Variants in RYR2 observed in about 807,000 individuals in gnomAD.
RYR2 encodes the protein ryanodine receptor 2.
In RYR2, 227 loss-of-function variants were observed where a neutral mutation model predicts 601.1. The ratio of observed to expected loss-of-function variants is 0.38; its 90% CI spans 0.34 to 0.42. RYR2 has a LOEUF of 0.42. Ranked by LOEUF, RYR2 falls within the 10% of genes least tolerant of loss-of-function variation. RYR2 has a pLI of 1.00. For synonymous variants in RYR2, 2,223 were observed against 2,175.1 expected (o/e 1.02, Z -0.61); for missense variants, 4,646 against 6,156.5 (o/e 0.75, Z 8.21).
intron 62 of RYR2, among the ~76,000 whole-genome samples, chr1:237,683,180 G>A (rs760628894): frequency 4.6e-5 from 7 of 152,162 alleles, no homozygotes; most frequent in African/African-American, 1.2e-4. Flanking sequence ...GTCTTCATTC[G>A]CATGATAAAC....
At chr1:237,211,713 A>G (rs912270509) in intron 1 of RYR2, among the ~76,000 whole-genome samples, 2 of 152,210 alleles carry the variant, frequency 1.3e-5, no homozygotes, top group African/African-American at 4.8e-5. Flanking sequence ...AAGAAATATC[A>G]AGAATGCCAC....
chr1:237,820,211 G>T (rs1031791420), intron 101 of RYR2, among the ~76,000 whole-genome samples: 1 of 151,452 alleles, frequency 6.6e-6, no homozygotes, highest in Non-Finnish European at 1.5e-5. Flanking sequence ...AAAAAAAGGT[G>T]GGGGAGGGAG....
At chr1:237,606,778 A>G (rs1289197157) in intron 35 of RYR2, among the ~76,000 whole-genome samples, 1 of 152,238 alleles carries the variant, frequency 6.6e-6, no homozygotes, top group Non-Finnish European at 1.5e-5. Flanking sequence ...ATATGAACAG[A>G]CACTTCTCAA....
At chr1:237,519,776 C>T (rs1246210102) in intron 24 of RYR2, among the ~76,000 whole-genome samples, 1 of 152,022 alleles carries the variant, frequency 6.6e-6, no homozygotes, top group Admixed American at 6.6e-5. Flanking sequence ...TTTCTTGTTC[C>T]ATTTGAATTT....
intron 80 of RYR2, 74 bp from the exon 81 acceptor site, chr1:237,756,214 C>A: frequency 1.0e-6 from 1 of 953,980 alleles, no homozygotes; most frequent in Non-Finnish European, 1.7e-6. Flanking sequence ...GAAGAGATGA[C>A]TAAAAATATG....
rs1401851675 is a variant in RYR2 at position 237,640,841 on chromosome 1, C to T, written c.7116-56C>T. ...TTTCCTCGGAGAGATATGTAATAAA[C>T]ATGAAATGTCAGTTATCCCATTTGC... On this transcript the variant is annotated intron_variant, in intron 46 of 104. Coordinates refer to ENST00000366574, the MANE Select transcript of RYR2 (RefSeq NM_001035.3). 3.7e-6 allele frequency: 5 copies of T among 1,368,054 alleles called. No homozygotes were observed. The African/African-American group carries it at 5.7e-5, about 16-fold the overall frequency. 84.7% of individuals were successfully genotyped at this position (1,368,054 alleles called of 1,614,324 possible). A position where few individuals can be genotyped will look rare whatever the true frequency, so the allele number is the denominator to read the frequency against.
chr1:237,706,891 G>A (rs1034574335), intron 67 of RYR2, 58 bp from the exon 68 acceptor site: 69 of 1,417,354 alleles, frequency 4.9e-5, no homozygotes, highest in Middle Eastern at 1.8e-4. Flanking sequence ...GTGGAAATCC[G>A]CCATATCATC....
intron 60 of RYR2, among the ~76,000 whole-genome samples, chr1:237,675,700 T>A (rs1685334583): frequency 6.6e-6 from 1 of 152,164 alleles, no homozygotes; most frequent in Non-Finnish European, 1.5e-5. Flanking sequence ...CTGCTGTTTG[T>A]CTTAGGATGT....
intron 24 of RYR2, among the ~76,000 whole-genome samples, chr1:237,521,308 A>G (rs1572701707): frequency 6.6e-6 from 1 of 152,314 alleles, no homozygotes. Flanking sequence ...CTCAACAAAA[A>G]TACCAGCAAA....
At chr1:237,546,985 A>ATTTATTTATT (rs71802424) in intron 25 of RYR2, among the ~76,000 whole-genome samples, 4 of 120,558 alleles carry the variant, frequency 3.3e-5, no homozygotes, top group South Asian at 2.9e-4. Context: ...GCATATATAT[A>ATTTATTTATT]TATATATATA....
intron 22 of RYR2, among the ~76,000 whole-genome samples, chr1:237,505,283 G>T (rs2150506172): frequency 6.6e-6 from 1 of 152,236 alleles, no homozygotes; most frequent in African/African-American, 2.4e-5. Context: ...TCTGAGGTTG[G>T]CTATGAATTC....
intron 1 of RYR2, among the ~76,000 whole-genome samples, chr1:237,212,928 C>T (rs763554257): frequency 5.9e-5 from 9 of 152,084 alleles, no homozygotes; most frequent in Admixed American, 1.3e-4. Flanking sequence ...CCCACCACCA[C>T]GCCTGGCTAA....
chr1:237,452,473 A>G (rs1658303521), intron 14 of RYR2, among the ~76,000 whole-genome samples: 1 of 136,474 alleles, frequency 7.3e-6, no homozygotes, highest in South Asian at 2.2e-4. Flanking sequence ...TACTATTAGT[A>G]TATACTAATA....
chr1:237,702,333 C>T (rs942697801), intron 66 of RYR2, among the ~76,000 whole-genome samples: 2 of 152,132 alleles, frequency 1.3e-5, no homozygotes, highest in African/African-American at 4.8e-5. Flanking sequence ...TATGAAAGCA[C>T]CTGCTAGTAT....
At chr1:237,053,774 G>GA (rs1661586963) in intron 1 of RYR2, among the ~76,000 whole-genome samples, 1 of 152,118 alleles carries the variant, frequency 6.6e-6, no homozygotes, top group Non-Finnish European at 1.5e-5. Flanking sequence ...ATAACAATCA[G>GA]AAAACCGTCA....
Position 237,801,974 on chromosome 1 carries a change from A to T in RYR2, c.14151+58A>T, listed in dbSNP as rs1660030376. The T allele has an allele frequency of 7.9e-6, 8 of 1,007,362 alleles. 1 individual carries two copies. The highest frequency in any genetic ancestry group is 9.3e-6 in the Non-Finnish European group (6 of 641,788). The allele number at this position is 1,007,362 out of a possible 1,614,324, so 62.4% of individuals were successfully genotyped here. On this transcript the variant is annotated intron_variant, in intron 98 of 104. Coordinates refer to ENST00000366574, the MANE Select transcript of RYR2 (RefSeq NM_001035.3). Reference sequence around the variant, plus strand: ...CACTCTGATTAGATAAGACTGTGGGAGTTCTGCAGATGGAAGGCTGGTTAT... The same window carrying T: ...CACTCTGATTAGATAAGACTGTGGGTGTTCTGCAGATGGAAGGCTGGTTAT...
At chr1:237,235,817 G>A (rs186921130) in intron 1 of RYR2, among the ~76,000 whole-genome samples, 8 of 152,348 alleles carry the variant, frequency 5.3e-5, no homozygotes, top group African/African-American at 1.9e-4. Context: ...AGAGCAAGGT[G>A]TAGGGTGCAG....
chr1:237,430,176 GTT>G (rs1202601301), intron 12 of RYR2, among the ~76,000 whole-genome samples: 1 of 149,556 alleles, frequency 6.7e-6, no homozygotes, highest in Admixed American at 6.7e-5. Flanking sequence ...ATAGTCATAT[GTT>G]TTATATGTTA....
At position 237,794,770 on chromosome 1, in the gene RYR2, T is replaced by G. The variant is rs1449660560; in HGVS notation, c.13914-519T>G. Among the ~76,000 whole-genome samples the G allele has an allele frequency of 2.0e-5, 3 of 152,240 alleles. No homozygotes were observed. In the East Asian group the frequency reaches 5.8e-4, roughly 29 times the overall value. On this transcript the variant is annotated intron_variant, in intron 95 of 104. Coordinates refer to ENST00000366574, the MANE Select transcript of RYR2 (RefSeq NM_001035.3). ...ATGTTTATCCTAAATGCTAAATGTT[T>G]TGTTTAGCAATTCTACCATTAATAC...
Sources: gnomAD v4.1 joint callset for allele counts (sites outside exome capture counted in the v4.1 genomes callset) on GRCh38, gnomAD v4.1.1 for gene constraint, MANE v1.5 for transcripts, NCBI Gene and HGNC (gene_info 2026-07-23, HGNC 2026-07-21) for gene names.